Variants in TMOD1 observed in about 807,000 individuals in gnomAD.
The protein encoded by TMOD1 is tropomodulin 1, also known as tropomodulin-1.
A neutral mutation model predicts 40.6 loss-of-function variants in TMOD1; 17 were observed. That is an observed-to-expected ratio of 0.42 (90% CI 0.29 to 0.63). The LOEUF (loss-of-function observed/expected upper bound fraction) is 0.63, where lower values mean the gene tolerates loss of function less well. Ranked by LOEUF, TMOD1 falls within the 20% of genes least tolerant of loss-of-function variation. The pLI, the probability that TMOD1 is intolerant of heterozygous loss-of-function variation, is 0.22. For synonymous variants in TMOD1, 181 were observed against 175.0 expected (o/e 1.03, Z -0.27); for missense variants, 391 against 447.6 (o/e 0.87, Z 1.14).
chr9:97,584,931 A>G (rs950325617), intron 8 of TMOD1, among the ~76,000 whole-genome samples: 16 of 152,226 alleles, frequency 1.1e-4, no homozygotes, highest in Non-Finnish European at 1.8e-4. Flanking sequence ...TGAATACAGC[A>G]CACTGATAGG....
intron 2 of TMOD1, among the ~76,000 whole-genome samples, chr9:97,533,684 T>C (rs1233234007): frequency 6.6e-6 from 1 of 152,166 alleles, no homozygotes; most frequent in Non-Finnish European, 1.5e-5. Context: ...GGTTTCAAGA[T>C]AAAAGGGCTC....
chr9:97,523,727 C>T (rs1197079012), intron 1 of TMOD1, among the ~76,000 whole-genome samples: 2 of 152,056 alleles, frequency 1.3e-5, no homozygotes, highest in Non-Finnish European at 2.9e-5. Context: ...AATTAACCAC[C>T]GATACTCCCC....
intron 9 of TMOD1, among the ~76,000 whole-genome samples, chr9:97,593,614 A>T (rs1826042843): frequency 1.3e-5 from 2 of 152,110 alleles, no homozygotes; most frequent in African/African-American, 4.8e-5. Context: ...ATAACCTTTT[A>T]GGGGAAAAAA....
chr9:97,534,693 A>T (rs1039645077), intron 2 of TMOD1, among the ~76,000 whole-genome samples: 27 of 152,206 alleles, frequency 1.8e-4, no homozygotes, highest in Non-Finnish European at 3.5e-4. Context: ...TTCAGAGAAA[A>T]TTAAGATATA....
At chr9:97,518,079 G>A (rs1392371748) in intron 1 of TMOD1, among the ~76,000 whole-genome samples, 3 of 152,158 alleles carry the variant, frequency 2.0e-5, no homozygotes, top group Non-Finnish European at 1.5e-5. Context: ...CACCACAGCT[G>A]CCCCAACACC....
chr9:97,523,991 G>A, intron 1 of TMOD1, 150 bp from the exon 2 acceptor site: 1 of 501,906 alleles, frequency 2.0e-6, no homozygotes, highest in Non-Finnish European at 3.4e-6. Context: ...TAGAGAATTA[G>A]CCAAACTTAG....
At position 97,600,648 on chromosome 9, in the gene TMOD1, CACTTATT is replaced by C; in HGVS notation, c.*952_*958del. On this transcript the variant is annotated 3_prime_UTR_variant, in exon 10 of 10. Coordinates refer to ENST00000259365, the MANE Select transcript of TMOD1 (RefSeq NM_003275.4). ...TAGAGACTTCAGCTACTGATCTCAT[CACTTATT>C]AGACAAATTGCTGCTGACCTTACGC... is the stretch of plus-strand genomic sequence containing the variant. The C allele has an allele frequency of 1.0e-6, 1 of 990,382 alleles. No homozygotes were observed. Among genetic ancestry groups the C allele is most frequent in the Non-Finnish European group, 1.2e-6 (1 of 833,060 alleles). 61.3% of individuals were successfully genotyped at this position (990,382 alleles called of 1,614,324 possible).
chr9:97,506,121 C>A (rs553722191), intron 1 of TMOD1, among the ~76,000 whole-genome samples: 1 of 152,286 alleles, frequency 6.6e-6, no homozygotes, highest in South Asian at 2.1e-4. Flanking sequence ...GCTGTTCTTT[C>A]GGCCTTCAGT....
At chr9:97,560,490 A>T (rs1349236388) in intron 4 of TMOD1, among the ~76,000 whole-genome samples, 1 of 152,080 alleles carries the variant, frequency 6.6e-6, no homozygotes, top group Non-Finnish European at 1.5e-5. Context: ...AGCTAAAAAA[A>T]AATCTGGTGT....
intron 9 of TMOD1, among the ~76,000 whole-genome samples, chr9:97,598,951 A>T (rs1326932525): frequency 6.6e-6 from 1 of 152,054 alleles, no homozygotes; most frequent in Non-Finnish European, 1.5e-5. Context: ...CAGACACTAC[A>T]ATTAATTTCA....
chr9:97,555,200 C>T (rs1830516460), intron 4 of TMOD1, among the ~76,000 whole-genome samples: 1 of 152,208 alleles, frequency 6.6e-6, no homozygotes, highest in Non-Finnish European at 1.5e-5. Context: ...AGTAGATCCT[C>T]CATTGAGCCC....
At chr9:97,570,918 C>T (rs540225896) in intron 8 of TMOD1, among the ~76,000 whole-genome samples, 33 of 152,352 alleles carry the variant, frequency 2.2e-4, no homozygotes, top group Non-Finnish European at 4.1e-4. Flanking sequence ...TGGCAGCAGC[C>T]GTGTCACGTG....
chr9:97,540,366 A>T (rs1830259173), intron 2 of TMOD1, among the ~76,000 whole-genome samples: 1 of 152,190 alleles, frequency 6.6e-6, no homozygotes, highest in African/African-American at 2.4e-5. Flanking sequence ...TTGGGGAAGG[A>T]GGTGTTGCAG....
chr9:97,544,699 C>T lies in TMOD1; in HGVS notation c.121-1486C>T, dbSNP rs375595318. Among the ~76,000 whole-genome samples, 13 of 152,152 alleles carry T rather than the reference C, an allele frequency of 8.5e-5. 1 individual carries two copies. Among genetic ancestry groups the T allele is most frequent in the African/African-American group, 3.1e-4 (13 of 41,486 alleles). On this transcript the variant is annotated intron_variant, in intron 2 of 9. Transcript: ENST00000259365. ...AAGGATATGGAGTTTGTGACAGTGA[C>T]TGAAGATATGCATTTTAATGGTACA... is the stretch of plus-strand genomic sequence containing the variant.
chr9:97,544,852 AC>A, intron 2 of TMOD1, among the ~76,000 whole-genome samples: 1 of 152,052 alleles, frequency 6.6e-6, no homozygotes, highest in Non-Finnish European at 1.5e-5. Context: ...TATTAAAAAT[AC>A]AAAAAATTAG....
rs1825644573 is a variant in TMOD1, at chr9:97,577,838, T to G, written c.870+8801T>G. Among the ~76,000 whole-genome samples the G allele has an allele frequency of 3.9e-5, 6 of 152,152 alleles. No individual in the cohort carries two copies. The South Asian group carries it at 1.2e-3, about 32-fold the overall frequency. On this transcript the variant is annotated intron_variant, in intron 8 of 9. Transcript: ENST00000259365. ...GTTTTCCTTAGATTGACAGGAAAAATTCCTTAGATTGATAGGAAAAAATGA... is the reference window on the plus strand; with the variant it reads ...GTTTTCCTTAGATTGACAGGAAAAAGTCCTTAGATTGATAGGAAAAAATGA...
At chr9:97,534,660 C>T (rs1188124263) in intron 2 of TMOD1, among the ~76,000 whole-genome samples, 3 of 152,238 alleles carry the variant, frequency 2.0e-5, no homozygotes. Context: ...ATTCTCTTAG[C>T]ACTCATGGCT....
chr9:97,584,272 C>T (rs536237392), intron 8 of TMOD1, among the ~76,000 whole-genome samples: 1 of 152,286 alleles, frequency 6.6e-6, no homozygotes, highest in South Asian at 2.1e-4. Context: ...AGTAGTCATT[C>T]AGGAGCAGGT....
In TMOD1 at chr9:97,519,857, A is replaced by G. The variant is rs182569229; in HGVS notation, c.-48-4284A>G. On this transcript the variant is annotated intron_variant, in intron 1 of 9. Coordinates refer to ENST00000259365, the MANE Select transcript of TMOD1 (RefSeq NM_003275.4). ...ACTCCAGCAGCGACAGCCTCATAAT[A>G]ATGGCTAATATCTGTGAAGCCAGTT... is the stretch of plus-strand genomic sequence containing the variant. Among the ~76,000 whole-genome samples, 12 of 152,114 alleles carry G rather than the reference A, an allele frequency of 7.9e-5. 1 individual carries two copies. The East Asian group carries it at 2.3e-3, about 30-fold the overall frequency.
Sources: gnomAD v4.1 joint callset for allele counts (sites outside exome capture counted in the v4.1 genomes callset) on GRCh38, gnomAD v4.1.1 for gene constraint, MANE v1.5 for transcripts, NCBI Gene and HGNC (gene_info 2026-07-23, HGNC 2026-07-21) for gene names.